PDS5B: variants seen among roughly 807,000 people sequenced by gnomAD.
PDS5B encodes PDS5 cohesin associated factor B, also known as sister chromatid cohesion protein PDS5 homolog B.
In PDS5B, 51 loss-of-function variants were observed where a neutral mutation model predicts 184.1. That is an observed-to-expected ratio of 0.28 (90% CI 0.22 to 0.35). The LOEUF (loss-of-function observed/expected upper bound fraction) is 0.35. Ranked by LOEUF, PDS5B falls within the 10% of genes least tolerant of loss-of-function variation. The pLI is 1.00. For synonymous variants in PDS5B, 566 were observed against 569.2 expected, an observed-to-expected ratio of 0.99 and a Z score of 0.08; for missense variants, 1,180 against 1,723.3, an observed-to-expected ratio of 0.68 and a Z score of 5.58.
intron 1 of PDS5B, among the ~76,000 whole-genome samples, chr13:32,598,353 G>A (rs535967373): frequency 4.9e-4 from 75 of 152,226 alleles, no homozygotes; most frequent in Admixed American, 2.7e-3. Flanking sequence ...GATTACAGGC[G>A]TGAGCCACCG....
chr13:32,591,059 T>C (rs976641873), intron 1 of PDS5B, among the ~76,000 whole-genome samples: 1 of 151,880 alleles, frequency 6.6e-6, no homozygotes, highest in Non-Finnish European at 1.5e-5. Flanking sequence ...AAGTTTACTT[T>C]AAAAAAAATT....
intron 10 of PDS5B, among the ~76,000 whole-genome samples, chr13:32,682,869 A>G (rs559553707): frequency 2.0e-5 from 3 of 152,138 alleles, no homozygotes; most frequent in Admixed American, 2.0e-4. Context: ...AAGCTTGTGT[A>G]TTGTTTTCTT....
At chr13:32,646,637 T>A (rs1473333096) in intron 1 of PDS5B, among the ~76,000 whole-genome samples, 1 of 152,032 alleles carries the variant, frequency 6.6e-6, no homozygotes, top group Non-Finnish European at 1.5e-5. Flanking sequence ...TAATTTTCCA[T>A]CCTTTTACTT....
intron 21 of PDS5B, among the ~76,000 whole-genome samples, chr13:32,736,849 CCTAT>C (rs1297870855): frequency 2.0e-5 from 3 of 151,806 alleles, no homozygotes; most frequent in African/African-American, 4.8e-5. Flanking sequence ...TTTTTTCTGA[CCTAT>C]CTTTGAGTTC....
intron 19 of PDS5B, among the ~76,000 whole-genome samples, chr13:32,730,847 C>A (rs1161248013): frequency 6.6e-6 from 1 of 152,130 alleles, no homozygotes; most frequent in African/African-American, 2.4e-5. Context: ...AGTCTTTTGG[C>A]TGAGACGACA....
chr13:32,744,981 T>G lies in PDS5B; in HGVS notation c.2613-996T>G, dbSNP rs532124230. Among the ~76,000 whole-genome samples, 94 of 152,290 alleles carry G rather than the reference T, an allele frequency of 6.2e-4. 1 individual carries two copies. Among genetic ancestry groups the G allele is most frequent in the African/African-American group, 2.2e-3 (92 of 41,576 alleles). ...GGGGTTCTATTTAAGGAGTTACAAC[T>G]TCTCCCTCCTTATATTTGTTCAAGA... On this transcript the variant is annotated intron_variant, in intron 23 of 34. Coordinates refer to ENST00000315596, the MANE Select transcript of PDS5B (RefSeq NM_015032.4).
At chr13:32,591,291 G>A (rs2057771909) in intron 1 of PDS5B, among the ~76,000 whole-genome samples, 1 of 151,928 alleles carries the variant, frequency 6.6e-6, no homozygotes, top group Admixed American at 6.6e-5. Flanking sequence ...ACCATGCCCA[G>A]ATAATTTTTG....
chr13:32,747,474 C>T (rs938713482), intron 24 of PDS5B, among the ~76,000 whole-genome samples: 4 of 151,694 alleles, frequency 2.6e-5, no homozygotes, highest in East Asian at 3.9e-4. Context: ...CTATTTCGGC[C>T]GGGCGTGGTG....
chr13:32,716,780 C>A (rs1464796718), intron 19 of PDS5B, among the ~76,000 whole-genome samples: 1 of 130,862 alleles, frequency 7.6e-6, no homozygotes. Flanking sequence ...GCCGCCCCGT[C>A]CGGGAGGGAG....
intron 13 of PDS5B, among the ~76,000 whole-genome samples, chr13:32,693,939 C>T (rs1053423294): frequency 1.1e-4 from 16 of 151,654 alleles, no homozygotes; most frequent in African/African-American, 3.9e-4. Flanking sequence ...ATCCTTCCTG[C>T]TACAACACCT....
intron 1 of PDS5B, among the ~76,000 whole-genome samples, chr13:32,645,344 T>C (rs1950190516): frequency 6.6e-6 from 1 of 152,180 alleles, no homozygotes. Flanking sequence ...TAAAACTAGT[T>C]GGGAAGGATT....
chr13:32,588,467 T>C (rs2057725253), intron 1 of PDS5B, among the ~76,000 whole-genome samples: 1 of 152,222 alleles, frequency 6.6e-6, no homozygotes, highest in South Asian at 2.1e-4. Flanking sequence ...CTTTTTCTGA[T>C]GGTTTTAAAA....
chr13:32,774,327 G>A (rs759196557), intron 34 of PDS5B, among the ~76,000 whole-genome samples: 10 of 152,110 alleles, frequency 6.6e-5, no homozygotes, highest in Admixed American at 1.3e-4. Flanking sequence ...GTGAATAAGC[G>A]AGTTAAGTAC....
intron 19 of PDS5B, among the ~76,000 whole-genome samples, chr13:32,713,354 A>C (rs977583812): frequency 2.6e-5 from 4 of 152,252 alleles, no homozygotes; most frequent in African/African-American, 9.6e-5. Context: ...CAGATAAGCA[A>C]GTTAACAAAC....
chr13:32,659,442 A>C (rs1950591016), intron 6 of PDS5B, among the ~76,000 whole-genome samples, 162 bp downstream of exon 6: 1 of 152,232 alleles, frequency 6.6e-6, no homozygotes, highest in Non-Finnish European at 1.5e-5. Flanking sequence ...GTGTAATAAA[A>C]AGATACACTT....
At chr13:32,672,725 C>G (rs1174585735) in intron 7 of PDS5B, among the ~76,000 whole-genome samples, 1 of 152,134 alleles carries the variant, frequency 6.6e-6, no homozygotes, top group Non-Finnish European at 1.5e-5. Context: ...TTTCCTTTGC[C>G]TTTTTGTTCT....
chr13:32,674,741 T>C (rs1395276587), intron 8 of PDS5B, among the ~76,000 whole-genome samples: 2 of 151,792 alleles, frequency 1.3e-5, no homozygotes, highest in African/African-American at 2.4e-5. Flanking sequence ...CAGAAGCATA[T>C]AGAGGTAGGA....
At chr13:32,629,035 T>C (rs942786593) in intron 1 of PDS5B, among the ~76,000 whole-genome samples, 5 of 152,222 alleles carry the variant, frequency 3.3e-5, no homozygotes, top group African/African-American at 1.2e-4. Flanking sequence ...CTGTAATAAT[T>C]CACATTTCCA....
intron 17 of PDS5B, among the ~76,000 whole-genome samples, chr13:32,703,085 A>G (rs1951908729): frequency 6.6e-6 from 1 of 152,180 alleles, no homozygotes; most frequent in Non-Finnish European, 1.5e-5. Flanking sequence ...GAAAAGAATG[A>G]AAGGAACTGT....
Sources: allele counts gnomAD v4.1 joint callset (sites outside exome capture counted in the v4.1 genomes callset), GRCh38; gene constraint gnomAD v4.1.1; transcripts MANE v1.5; gene names NCBI Gene and HGNC (gene_info 2026-07-23, HGNC 2026-07-21).